ARSB: variants seen among roughly 807,000 people sequenced by gnomAD.
ARSB encodes N-acetylgalactosamine-4-sulfatase.
ARSB carries 41 observed loss-of-function variants against 50.9 expected under a neutral mutation model. The observed-to-expected ratio is 0.81, with a 90% confidence interval of 0.63 to 1.04. The LOEUF is 1.04. ARSB is among the 50% of genes least tolerant of loss of function. The probability of loss-of-function intolerance (pLI) is 0.00; values close to 1 mark genes in which losing one functional copy is unlikely to be tolerated. For missense variants in ARSB, 672 were observed against 693.3 expected, an observed-to-expected ratio of 0.97 and a Z score of 0.35; for synonymous variants, 269 against 284.8, an observed-to-expected ratio of 0.94 and a Z score of 0.56.
At chr5:78,821,041 C>A in intron 6 of ARSB, among the ~76,000 whole-genome samples, 1 of 151,820 alleles carries the variant, frequency 6.6e-6, no homozygotes, top group East Asian at 1.9e-4. Context: ...TACATAAGCA[C>A]ATCTAAAGTG....
At chr5:78,966,764 A>G (rs1472020149) in intron 2 of ARSB, among the ~76,000 whole-genome samples, 1 of 152,160 alleles carries the variant, frequency 6.6e-6, no homozygotes, top group East Asian at 1.9e-4. Context: ...CTCTTCCCAG[A>G]GTATAGATAT....
At chr5:78,793,399 G>A (rs569860299) in intron 6 of ARSB, among the ~76,000 whole-genome samples, 42 of 152,266 alleles carry the variant, frequency 2.8e-4, no homozygotes, top group African/African-American at 9.9e-4. Flanking sequence ...TACACATAGT[G>A]GGGACAGGGA....
chr5:78,904,476 T>C (rs337859), intron 4 of ARSB, among the ~76,000 whole-genome samples: 91,510 of 151,686 alleles, frequency 0.6, 28,888 homozygotes, highest in East Asian at 0.98. Context: ...GCTTCTTGAA[T>C]TTGTACATGT....
chr5:78,802,267 G>A (rs1047302009), intron 6 of ARSB, among the ~76,000 whole-genome samples: 4 of 151,432 alleles, frequency 2.6e-5, no homozygotes, highest in Non-Finnish European at 1.5e-5. Flanking sequence ...TCCATAACAC[G>A]TCTTACAATT....
intron 4 of ARSB, among the ~76,000 whole-genome samples, chr5:78,943,223 A>C (rs1394448918): frequency 6.6e-6 from 1 of 151,894 alleles, no homozygotes; most frequent in African/African-American, 2.4e-5. Context: ...ATGGGTCTTG[A>C]CTCTTTATCC....
chr5:78,985,384 G>T, upstream of ARSB: 2 of 901,936 alleles, frequency 2.2e-6, no homozygotes, highest in African/African-American at 1.7e-5. Flanking sequence ...GGCTTGCGAG[G>T]CCGGGCGCTC....
In ARSB at chr5:78,985,015, G is replaced by A; in HGVS notation, c.234C>T (p.Gly78=). The A allele has an allele frequency of 1.3e-6, 2 of 1,538,988 alleles. No homozygotes were observed. The highest frequency in any genetic ancestry group is 1.7e-6 in the Non-Finnish European group (2 of 1,145,452). ...RTPHLDALAA[G]GVLLDNYYTQ... is the part of the protein sequence containing the mutation. ...TGTAGTAGTTGTCCAGGAGCACCCC[G>A]CCGGCCGCCAGCGCGTCCAGGTGCG... The change falls in exon 1 of 8, where the codon GGC becomes GGT. Residue 78 remains glycine (G), a synonymous_variant. Coordinates refer to ENST00000264914, the MANE Select transcript of ARSB (RefSeq NM_000046.5).
chr5:78,928,926 A>G (rs1487345044), intron 4 of ARSB, among the ~76,000 whole-genome samples: 1 of 152,150 alleles, frequency 6.6e-6, no homozygotes, highest in East Asian at 1.9e-4. Flanking sequence ...GGACAGGCCT[A>G]GTCAACATGC....
intron 4 of ARSB, among the ~76,000 whole-genome samples, chr5:78,944,201 A>G (rs1016207625): frequency 1.3e-5 from 2 of 152,122 alleles, no homozygotes; most frequent in Admixed American, 6.5e-5. Flanking sequence ...CAAGGTTTTT[A>G]ACTTCCTTGC....
intron 6 of ARSB, among the ~76,000 whole-genome samples, chr5:78,822,853 G>A (rs1744290887): frequency 6.6e-6 from 1 of 152,100 alleles, no homozygotes; most frequent in East Asian, 1.9e-4. Flanking sequence ...GGCCAGGATG[G>A]TCTCGATCTC....
chr5:78,945,374 T>G (rs954231272), intron 4 of ARSB, among the ~76,000 whole-genome samples: 9 of 152,206 alleles, frequency 5.9e-5, no homozygotes, highest in African/African-American at 9.6e-5. Context: ...GTCGCACATG[T>G]TGGAAGCTGT....
At chr5:78,812,633 G>A in intron 6 of ARSB, among the ~76,000 whole-genome samples, 1 of 54,446 alleles carries the variant, frequency 1.8e-5, no homozygotes. Context: ...ACACACACAT[G>A]ATATCACAAT....
intron 5 of ARSB, among the ~76,000 whole-genome samples, chr5:78,857,322 CATT>C (rs1375688428): frequency 6.6e-6 from 1 of 152,118 alleles, no homozygotes; most frequent in African/African-American, 2.4e-5. Context: ...ACAGTCTACT[CATT>C]ATAGACTGTA....
Position 78,971,936 on chromosome 5 carries a change from A to T in ARSB, c.313-2744T>A, listed in dbSNP as rs1290684956. 3.3e-5 allele frequency among the ~76,000 whole-genome samples: 5 copies of T among 152,360 alleles called. 1 individual carries two copies. The East Asian group carries it at 9.6e-4, about 29-fold the overall frequency. On this transcript the variant is annotated intron_variant, in intron 1 of 7. Transcript: ENST00000264914. Reference sequence around the variant, plus strand: ...AAATAAAAGTGAGTTTAAGTTTCCTACTGAGATTGTTATGCCTCTCCTAGA... The same window carrying T: ...AAATAAAAGTGAGTTTAAGTTTCCTTCTGAGATTGTTATGCCTCTCCTAGA...
chr5:78,851,940 G>C (rs1745816836), intron 5 of ARSB, among the ~76,000 whole-genome samples: 1 of 151,658 alleles, frequency 6.6e-6, no homozygotes, highest in Non-Finnish European at 1.5e-5. Context: ...CTTTTATTTT[G>C]AGCCTTTGTG....
chr5:78,848,223 C>A (rs1165008795), intron 5 of ARSB, among the ~76,000 whole-genome samples: 3 of 127,548 alleles, frequency 2.4e-5, no homozygotes, highest in Non-Finnish European at 4.9e-5. Flanking sequence ...CCCCCTCCCC[C>A]CACCCCACAA....
chr5:78,874,249 C>A (rs899684279), intron 5 of ARSB, among the ~76,000 whole-genome samples: 4 of 152,136 alleles, frequency 2.6e-5, no homozygotes, highest in African/African-American at 9.7e-5. Flanking sequence ...ATTGTGAACA[C>A]TTTAGAAGTG....
At chr5:78,841,132 G>GTAC (rs71613989) in intron 5 of ARSB, among the ~76,000 whole-genome samples, 4,936 of 134,632 alleles carry the variant, frequency 0.037, 123 homozygotes, top group South Asian at 0.043. Context: ...GACCTGGTCT[G>GTAC]TACTACTACT....
chr5:78,793,381 A>G (rs762972666), intron 6 of ARSB, among the ~76,000 whole-genome samples: 8 of 152,092 alleles, frequency 5.3e-5, no homozygotes, highest in Non-Finnish European at 1.2e-4. Flanking sequence ...CCACCTCCAC[A>G]CTTACCTTAC....
Sources: gnomAD v4.1 joint callset for allele counts (sites outside exome capture counted in the v4.1 genomes callset) on GRCh38, gnomAD v4.1.1 for gene constraint, MANE v1.5 for transcripts, NCBI Gene and HGNC (gene_info 2026-07-23, HGNC 2026-07-21) for gene names.